Variants in CCDC66 observed in about 807,000 individuals in gnomAD.
CCDC66 encodes the protein coiled-coil domain containing 66, also known as coiled-coil domain-containing protein 66.
CCDC66 carries 133 observed loss-of-function variants against 128.3 expected under a neutral mutation model. The observed-to-expected ratio is 1.04, with a 90% CI of 0.90 to 1.20. The LOEUF (loss-of-function observed/expected upper bound fraction) is 1.20. Ranked by LOEUF, CCDC66 falls within the 50% of genes most tolerant of loss-of-function variation. The pLI, the probability that CCDC66 is intolerant of heterozygous loss-of-function variation, is 0.00. For missense variants in CCDC66, 1,126 were observed against 1,075.5 expected (o/e 1.05, Z -0.66); for synonymous variants, 387 against 357.0 (o/e 1.08, Z -0.95).
In CCDC66 at chr3:56,619,438, A is replaced by T; in HGVS notation, c.2546A>T (p.Tyr849Phe). 6.2e-7 allele frequency: 1 copy of T among 1,613,982 alleles called. No homozygotes were observed. Among genetic ancestry groups the T allele is most frequent in the Non-Finnish European group, 8.5e-7 (1 of 1,179,896 alleles). ...GISESSHFIP[Y>F]VRTNEIYYLD... ...TCTGAATCATCCCATTTTATTCCGTATGTTCGAACAAATGAGATCTATTAC... is the reference window on the plus strand; with the variant it reads ...TCTGAATCATCCCATTTTATTCCGTTTGTTCGAACAAATGAGATCTATTAC... Residue 849 changes from tyrosine to phenylalanine, a missense_variant, in exon 16 of 18, where the codon TAT becomes TTT. Physicochemically the swap from Tyr to Phe is conservative, Grantham distance 22. Coordinates refer to ENST00000394672, the MANE Select transcript of CCDC66 (RefSeq NM_001141947.3).
chr3:56,615,576 A>G (rs536556614), intron 12 of CCDC66, among the ~76,000 whole-genome samples: 1 of 152,080 alleles, frequency 6.6e-6, no homozygotes, highest in African/African-American at 2.4e-5. Context: ...CAATATACCT[A>G]CTATTCTTGT....
At chr3:56,590,721 C>T (rs938292839) in intron 7 of CCDC66, among the ~76,000 whole-genome samples, 1 of 151,780 alleles carries the variant, frequency 6.6e-6, no homozygotes, top group Non-Finnish European at 1.5e-5. Flanking sequence ...ATTGTGCACT[C>T]CAGCCTGGGT....
Position 56,583,785 on chromosome 3 carries a change from C to G in CCDC66, c.937-9185C>G, listed in dbSNP as rs528073823. On this transcript the variant is annotated intron_variant, in intron 7 of 17. Transcript: ENST00000394672. ...TATTCCACAAAACCGCCATCGTCAT[C>G]ATGGCCCGTTCTCAATGAGCTGTTG... Among the ~76,000 whole-genome samples the G allele has an allele frequency of 3.0e-3, 449 of 152,046 alleles. 4 individuals carry two copies. Among genetic ancestry groups the G allele is most frequent in the African/African-American group, 0.01 (420 of 41,586 alleles).
At chr3:56,616,333 CTTTCTA>C (rs1479316717) in intron 13 of CCDC66, 6 of 282,064 alleles carry the variant, frequency 2.1e-5, no homozygotes, top group Non-Finnish European at 3.3e-5. Context: ...TTACTTGCCA[CTTTCTA>C]TTTCTCTTTT....
chr3:56,612,544 G>C (rs1283327098), intron 10 of CCDC66, among the ~76,000 whole-genome samples: 2 of 152,152 alleles, frequency 1.3e-5, no homozygotes, highest in East Asian at 3.9e-4. Flanking sequence ...CAGTGGGTTG[G>C]GTGGGTGAGT....
chr3:56,619,460 T>G lies in CCDC66; in HGVS notation c.2568T>G (p.Tyr856Ter). The G allele has an allele frequency of 6.2e-7, 1 of 1,614,024 alleles. No individual in the cohort carries two copies. Among genetic ancestry groups the G allele is most frequent in the Non-Finnish European group, 8.5e-7 (1 of 1,179,916 alleles). The change falls in exon 16 of 18, where the codon TAT becomes TAG. Residue 856 changes from tyrosine to a stop codon, truncating the protein, a stop_gained. Transcript: ENST00000394672. LOFTEE classifies it high-confidence loss of function. ...CGTATGTTCGAACAAATGAGATCTA[T>G]TACCTTGATCCCGATGCACCATTGT... ...FIPYVRTNEI[Y>*]YLDPDAPLSG...
At chr3:56,607,325 C>T (rs1269092160) in intron 10 of CCDC66, among the ~76,000 whole-genome samples, 8 of 151,988 alleles carry the variant, frequency 5.3e-5, no homozygotes, top group African/African-American at 7.2e-5. Flanking sequence ...CTTTCAGCAG[C>T]GTTTTGTAGT....
intron 12 of CCDC66, chr3:56,615,563 C>A: frequency 5.8e-6 from 2 of 345,690 alleles, no homozygotes; most frequent in South Asian, 9.7e-5. Flanking sequence ...TTTTTAATAC[C>A]TTCAATATAC....
At position 56,560,289 on chromosome 3, in the gene CCDC66, G is replaced by A. The variant is rs532663661; in HGVS notation, c.102+695G>A. Among the ~76,000 whole-genome samples, 13 of 152,292 alleles carry A rather than the reference G, an allele frequency of 8.5e-5. No homozygotes were observed. The South Asian group carries it at 2.7e-3, about 32-fold the overall frequency. On this transcript the variant is annotated intron_variant, in intron 3 of 17. Transcript: ENST00000394672. ...CTCTTGTCACCCAGGTTGGAGTGTAGTGGCATAATCATGGCTGCAGATCTT... is the reference window on the plus strand; with the variant it reads ...CTCTTGTCACCCAGGTTGGAGTGTAATGGCATAATCATGGCTGCAGATCTT...
rs75201116 is a variant in CCDC66, at chr3:56,564,013, C to T, written c.432C>T (p.Asn144=). ...KPHKKHITAE[N]MKSSLVCLTQ... is the part of the protein sequence containing the mutation. ...ACAAAAAACACATCACAGCTGAAAA[C>T]ATGAAGAGCAGTTTGGTGTGTCTAA... The change falls in exon 4 of 18, where the codon AAC becomes AAT. Residue 144 remains asparagine (N), a synonymous_variant. Transcript: ENST00000394672. The T allele has an allele frequency of 1.7e-3, 2,706 of 1,613,982 alleles. 29 individuals are homozygous for T. In the African/African-American group the frequency reaches 0.022, roughly 13 times the overall value.
intron 8 of CCDC66, 55 bp from the exon 9 acceptor site, chr3:56,593,436 T>TTA (rs1311555272): frequency 4.4e-6 from 7 of 1,574,834 alleles, no homozygotes; most frequent in Non-Finnish European, 6.1e-6. Flanking sequence ...TCATTTAGAA[T>TTA]TATATATGAG....
In CCDC66 at chr3:56,566,734, A is replaced by AAGC. The variant is rs1249996011; in HGVS notation, c.686_687insGCA (p.Gln230dup). Reference sequence around the variant, plus strand: ...CTTAAATGAACATCAGGAGACATCTAAACAGTGTGAGCAAAAAATTGCCAT... The same window carrying AAGC: ...CTTAAATGAACATCAGGAGACATCTAAGCAACAGTGTGAGCAAAAAATTGCCAT... On this transcript the variant is annotated inframe_insertion, in exon 5 of 18. Transcript: ENST00000394672. The AAGC allele has an allele frequency of 6.2e-7, 1 of 1,612,240 alleles. No individual in the cohort carries two copies. Among genetic ancestry groups the AAGC allele is most frequent in the Non-Finnish European group, 8.5e-7 (1 of 1,179,266 alleles).
chr3:56,587,446 T>G (rs1231910905), intron 7 of CCDC66, among the ~76,000 whole-genome samples: 2 of 151,308 alleles, frequency 1.3e-5, no homozygotes, highest in African/African-American at 2.4e-5. Flanking sequence ...CTTTCAGTCA[T>G]GGTGGAAGGC....
intron 10 of CCDC66, among the ~76,000 whole-genome samples, chr3:56,595,293 G>C (rs1160293895): frequency 6.6e-6 from 1 of 151,950 alleles, no homozygotes. Flanking sequence ...ATACATTGTT[G>C]CTGACCATAG....
intron 10 of CCDC66, among the ~76,000 whole-genome samples, chr3:56,608,369 C>G (rs540978361): frequency 6.6e-6 from 1 of 152,046 alleles, no homozygotes; most frequent in Non-Finnish European, 1.5e-5. Context: ...TGTATTTTTC[C>G]GGGTCTTTAT....
chr3:56,597,937 G>A (rs1416103998), intron 10 of CCDC66, among the ~76,000 whole-genome samples: 1 of 151,368 alleles, frequency 6.6e-6, no homozygotes, highest in Non-Finnish European at 1.5e-5. Flanking sequence ...ACCGCACCTT[G>A]TAATTTTTGT....
intron 10 of CCDC66, among the ~76,000 whole-genome samples, chr3:56,600,570 T>C (rs1162838078): frequency 1.3e-5 from 2 of 152,076 alleles, no homozygotes; most frequent in Non-Finnish European, 2.9e-5. Context: ...TCTTCCACAA[T>C]GGTTGAACTA....
At chr3:56,605,402 A>G (rs1158913080) in intron 10 of CCDC66, among the ~76,000 whole-genome samples, 8 of 151,892 alleles carry the variant, frequency 5.3e-5, no homozygotes, top group Non-Finnish European at 8.8e-5. Flanking sequence ...CCCCATCTTC[A>G]TGGATTTATC....
intron 10 of CCDC66, among the ~76,000 whole-genome samples, chr3:56,596,758 A>ATT (rs35527957): frequency 2.0e-4 from 19 of 96,824 alleles, no homozygotes; most frequent in African/African-American, 5.8e-4. Context: ...TCCATCTTGA[A>ATT]TTTTTTTTTT....
Sources: allele counts gnomAD v4.1 joint callset (sites outside exome capture counted in the v4.1 genomes callset), GRCh38; gene constraint gnomAD v4.1.1; transcripts MANE v1.5; gene names NCBI Gene and HGNC (gene_info 2026-07-23, HGNC 2026-07-21).